C1orf185: variants seen among roughly 807,000 people sequenced by gnomAD.
C1orf185 encodes the protein chromosome 1 open reading frame 185.
C1orf185 carries 13 observed loss-of-function variants against 16.1 expected under a neutral mutation model. The observed-to-expected ratio is 0.81, with a 90% CI of 0.53 to 1.28. The LOEUF (loss-of-function observed/expected upper bound fraction) is 1.28. Ranked by LOEUF, C1orf185 falls within the 50% of genes most tolerant of loss-of-function variation. The pLI is 0.00. For missense variants in C1orf185, 220 were observed against 225.2 expected, an observed-to-expected ratio of 0.98 and a Z score of 0.15; for synonymous variants, 80 against 76.9, an observed-to-expected ratio of 1.04 and a Z score of -0.21.
In C1orf185 at chr1:51,114,451, G is replaced by A. The variant is rs571225314; in HGVS notation, c.122+1882G>A. Among the ~76,000 whole-genome samples the A allele has an allele frequency of 7.2e-5, 11 of 152,266 alleles. No homozygotes were observed. The South Asian group carries it at 1.4e-3, about 20-fold the overall frequency. ...TTAAAGACTATCCTAGGCCTGGTGCGGTGACTCACGTCTGTAATCCCAGCA... is the reference window on the plus strand; with the variant it reads ...TTAAAGACTATCCTAGGCCTGGTGCAGTGACTCACGTCTGTAATCCCAGCA... On this transcript the variant is annotated intron_variant, in intron 2 of 4. Coordinates refer to ENST00000371759, the MANE Select transcript of C1orf185 (RefSeq NM_001136508.2).
intron 4 of C1orf185, among the ~76,000 whole-genome samples, chr1:51,147,199 CAGT>C: frequency 6.6e-6 from 1 of 152,170 alleles, no homozygotes; most frequent in South Asian, 2.1e-4. Flanking sequence ...ATAAGGCAAT[CAGT>C]CTTTTCTGAT....
intron 3 of C1orf185, among the ~76,000 whole-genome samples, chr1:51,141,836 AT>A (rs1178513310): frequency 2.0e-5 from 3 of 151,810 alleles, no homozygotes; most frequent in African/African-American, 4.8e-5. Context: ...TATATATATA[AT>A]TTTTTTTCTG....
At chr1:51,108,959 C>T (rs767691629) in intron 1 of C1orf185, among the ~76,000 whole-genome samples, 3 of 152,094 alleles carry the variant, frequency 2.0e-5, no homozygotes, top group African/African-American at 7.2e-5. Context: ...TGCTGAATCA[C>T]GTGGTAGTTT....
At chr1:51,103,305 C>A (rs1024559796) in intron 1 of C1orf185, among the ~76,000 whole-genome samples, 2 of 151,580 alleles carry the variant, frequency 1.3e-5, no homozygotes, top group Admixed American at 1.3e-4. Context: ...ACTTAGGAGG[C>A]TGAGGTGGGA....
chr1:51,130,590 C>T (rs1646276247), intron 3 of C1orf185, among the ~76,000 whole-genome samples: 1 of 152,194 alleles, frequency 6.6e-6, no homozygotes, highest in Non-Finnish European at 1.5e-5. Flanking sequence ...TGTCCAATTT[C>T]ATTCACATGC....
chr1:51,114,114 CA>C (rs1265777078), intron 2 of C1orf185, among the ~76,000 whole-genome samples: 9 of 152,114 alleles, frequency 5.9e-5, no homozygotes, highest in African/African-American at 2.2e-4. Context: ...AGAGCAAATA[CA>C]AAGACCCTAA....
chr1:51,150,381 C>G (rs1234751879), downstream of C1orf185, among the ~76,000 whole-genome samples: 1 of 151,900 alleles, frequency 6.6e-6, no homozygotes, highest in Non-Finnish European at 1.5e-5. Flanking sequence ...TTAGTAGAGA[C>G]GGGGTTTCAC....
At chr1:51,104,985 G>A (rs1441274717) in intron 1 of C1orf185, among the ~76,000 whole-genome samples, 1 of 149,340 alleles carries the variant, frequency 6.7e-6, no homozygotes, top group Non-Finnish European at 1.5e-5. Flanking sequence ...TTTTTTTTGA[G>A]ATGGAGTCTT....
At chr1:51,143,436 A>G (rs1646379695) in intron 3 of C1orf185, among the ~76,000 whole-genome samples, 1 of 152,212 alleles carries the variant, frequency 6.6e-6, no homozygotes, top group South Asian at 2.1e-4. Flanking sequence ...ATTATAATCC[A>G]TTACTACCAT....
intron 3 of C1orf185, among the ~76,000 whole-genome samples, chr1:51,127,375 G>A (rs1002442752): frequency 6.6e-6 from 1 of 151,540 alleles, no homozygotes; most frequent in Non-Finnish European, 1.5e-5. Context: ...TGCAACCTCC[G>A]CCTCCTGGGT....
intron 4 of C1orf185, 68 bp from the exon 5 acceptor site, chr1:51,147,399 G>C: frequency 5.9e-6 from 8 of 1,363,994 alleles, no homozygotes; most frequent in Non-Finnish European, 7.9e-6. Context: ...TGCCCATTCT[G>C]ACATTGTCCT....
intron 3 of C1orf185, among the ~76,000 whole-genome samples, chr1:51,144,542 T>C (rs1047428641): frequency 6.6e-6 from 1 of 152,062 alleles, no homozygotes; most frequent in African/African-American, 2.4e-5. Flanking sequence ...TGAGACCCCA[T>C]CTGTACAAAA....
At chr1:51,125,875 G>A (rs1277033844) in intron 3 of C1orf185, among the ~76,000 whole-genome samples, 2 of 152,126 alleles carry the variant, frequency 1.3e-5, no homozygotes, top group African/African-American at 4.8e-5. Flanking sequence ...AGCAAAACAG[G>A]AGCTAGGTGC....
chr1:51,112,710 G>A, intron 2 of C1orf185, 141 bp downstream of exon 2: 1 of 667,686 alleles, frequency 1.5e-6, no homozygotes. Context: ...CCTTTGGTTG[G>A]GGACGGAAGG....
At chr1:51,129,399 G>C (rs1382301653) in intron 3 of C1orf185, among the ~76,000 whole-genome samples, 1 of 152,010 alleles carries the variant, frequency 6.6e-6, no homozygotes, top group South Asian at 2.1e-4. Flanking sequence ...ATCATTTCCA[G>C]AATGTTATAT....
At chr1:51,107,417 C>T (rs897693265) in intron 1 of C1orf185, 5 of 152,152 alleles carry the variant, frequency 3.3e-5, no homozygotes, top group Non-Finnish European at 7.4e-5. Flanking sequence ...CCACCGCTTT[C>T]CCCACCAAAA....
intron 3 of C1orf185, among the ~76,000 whole-genome samples, chr1:51,133,343 A>G (rs185618663): frequency 6.6e-6 from 1 of 152,374 alleles, no homozygotes; most frequent in Admixed American, 6.5e-5. Context: ...CAGGCTCAAA[A>G]TAAAGGAATG....
In C1orf185 at chr1:51,130,398, G is replaced by A. The variant is rs866754021; in HGVS notation, c.258+11597G>A. ...AGGGCCTTGCTATGTTGCCCAGGCT[G>A]GACTCTTAACTCCTGGGCTCAAGTG... On this transcript the variant is annotated intron_variant, in intron 3 of 4. Transcript: ENST00000371759. Among the ~76,000 whole-genome samples, 4 of 150,708 alleles carry A rather than the reference G, an allele frequency of 2.7e-5. No homozygotes were observed. The South Asian group carries it at 6.3e-4, about 24-fold the overall frequency.
chr1:51,146,547 A>T (rs1646402340), intron 4 of C1orf185, among the ~76,000 whole-genome samples: 1 of 152,130 alleles, frequency 6.6e-6, no homozygotes, highest in South Asian at 2.1e-4. Flanking sequence ...ATGTTATAAA[A>T]GGTATTATAG....
Sources: allele counts gnomAD v4.1 joint callset (sites outside exome capture counted in the v4.1 genomes callset), GRCh38; gene constraint gnomAD v4.1.1; transcripts MANE v1.5; gene names NCBI Gene and HGNC (gene_info 2026-07-23, HGNC 2026-07-21).